The following NKAIN3 variants were observed in gnomAD, a reference collection of about 807,000 sequenced individuals.
The protein encoded by NKAIN3 is sodium/potassium transporting ATPase interacting 3.
A neutral mutation model predicts 30.2 loss-of-function variants in NKAIN3; 25 were observed. That is an observed-to-expected ratio of 0.83 (90% confidence interval 0.60 to 1.16). NKAIN3 has a LOEUF of 1.16. Among genes scored for constraint, NKAIN3 ranks in the 50% most tolerant of loss-of-function variants. The pLI, the probability that NKAIN3 is intolerant of heterozygous loss-of-function variation, is 0.00. For missense variants in NKAIN3, 225 were observed against 254.1 expected (o/e 0.89, Z 0.78); for synonymous variants, 91 against 89.6 (o/e 1.02, Z -0.09).
intron 1 of NKAIN3, among the ~76,000 whole-genome samples, chr8:62,388,938 T>C (rs1817509111): frequency 6.6e-6 from 1 of 152,172 alleles, no homozygotes; most frequent in Non-Finnish European, 1.5e-5. Context: ...GCCCAGTGCC[T>C]CACAGACCCA....
At chr8:62,652,668 C>A (rs980315482) in intron 3 of NKAIN3, among the ~76,000 whole-genome samples, 26 of 152,126 alleles carry the variant, frequency 1.7e-4, no homozygotes, top group African/African-American at 6.3e-4. Context: ...GTCTGGATCA[C>A]CCTGGCATAT....
At chr8:62,317,439 A>G (rs1814680799) in intron 1 of NKAIN3, among the ~76,000 whole-genome samples, 1 of 152,120 alleles carries the variant, frequency 6.6e-6, no homozygotes, top group East Asian at 1.9e-4. Flanking sequence ...ATCCATCTTG[A>G]ATTAATTTTT....
chr8:62,298,413 C>G (rs1215527388), intron 1 of NKAIN3, among the ~76,000 whole-genome samples: 4 of 152,026 alleles, frequency 2.6e-5, no homozygotes, highest in Non-Finnish European at 2.9e-5. Context: ...TACTTCCCAC[C>G]ATAATTAAGA....
intron 3 of NKAIN3, among the ~76,000 whole-genome samples, chr8:62,602,428 T>C (rs1026861257): frequency 6.6e-6 from 1 of 152,142 alleles, no homozygotes; most frequent in African/African-American, 2.4e-5. Flanking sequence ...ATCTAGTTTA[T>C]TGACTCAACT....
chr8:62,637,972 C>T lies in NKAIN3; in HGVS notation c.273+48178C>T, dbSNP rs369121149. Among the ~76,000 whole-genome samples the T allele has an allele frequency of 8.5e-5, 13 of 152,242 alleles. No homozygotes were observed. In the South Asian group the frequency reaches 2.3e-3, roughly 27 times the overall value. On this transcript the variant is annotated intron_variant, in intron 3 of 6. Transcript: ENST00000623646. ...GTTCTTCATTCATTCCTAAAGGACT[C>T]GCCAGTTGATTCACTATCTCTGGGG...
intron 3 of NKAIN3, among the ~76,000 whole-genome samples, chr8:62,599,165 A>C (rs76497941): frequency 0.018 from 2,703 of 152,202 alleles, 42 homozygotes; most frequent in Middle Eastern, 0.031. Context: ...AGTCTTGATC[A>C]CAGCCTCCAG....
rs1822002398 is a variant in NKAIN3, at chr8:62,913,997, A to G, written c.472-4456A>G. 2.0e-5 allele frequency among the ~76,000 whole-genome samples: 3 copies of G among 152,226 alleles called. 1 individual carries two copies. The South Asian group carries it at 6.2e-4, about 32-fold the overall frequency. Reference sequence around the variant, plus strand: ...ACCCAGCAATCCTGTTACTGGGTATATACCCAAAGGAATATAAATCACTCT... The same window carrying G: ...ACCCAGCAATCCTGTTACTGGGTATGTACCCAAAGGAATATAAATCACTCT... On this transcript the variant is annotated intron_variant, in intron 4 of 6. Coordinates refer to ENST00000623646, the MANE Select transcript of NKAIN3 (RefSeq NM_001304533.3).
Position 62,889,698 on chromosome 8 carries a change from G to A in NKAIN3, c.472-28755G>A, listed in dbSNP as rs114873066. Among the ~76,000 whole-genome samples the A allele has an allele frequency of 6.6e-3, 999 of 152,240 alleles. 12 individuals are homozygous for A. Among genetic ancestry groups the A allele is most frequent in the African/African-American group, 0.023 (952 of 41,556 alleles). On this transcript the variant is annotated intron_variant, in intron 4 of 6. Coordinates refer to ENST00000623646, the MANE Select transcript of NKAIN3 (RefSeq NM_001304533.3). ...ATGTTTCATTTAGAAATGCAGAATA[G>A]ACACAACATAGAATTCCAGAGAAGA... is the stretch of plus-strand genomic sequence containing the variant.
rs150416148 is a variant in NKAIN3 at position 62,557,131 on chromosome 8, C to T, written c.55-22408C>T. On this transcript the variant is annotated intron_variant, in intron 1 of 6. Coordinates refer to ENST00000623646, the MANE Select transcript of NKAIN3 (RefSeq NM_001304533.3). Reference sequence around the variant, plus strand: ...ATGCCTCTACATACTCATAGCTTAGCTCCCACTTATGAGTGAGAACATATG... The same window carrying T: ...ATGCCTCTACATACTCATAGCTTAGTTCCCACTTATGAGTGAGAACATATG... Among the ~76,000 whole-genome samples the T allele has an allele frequency of 4.1e-4, 63 of 152,180 alleles. No individual in the cohort carries two copies. The East Asian group carries it at 0.011, about 26-fold the overall frequency.
At chr8:62,985,310 G>A (rs1341880868), downstream of NKAIN3, among the ~76,000 whole-genome samples, 1 of 152,194 alleles carries the variant, frequency 6.6e-6, no homozygotes, top group African/African-American at 2.4e-5. Flanking sequence ...TAACTAACAA[G>A]TGTTACTAAG....
chr8:62,734,176 G>T (rs1032608314), intron 3 of NKAIN3, among the ~76,000 whole-genome samples: 2 of 152,094 alleles, frequency 1.3e-5, no homozygotes, highest in African/African-American at 4.8e-5. Flanking sequence ...TCAGCTACTT[G>T]GTAGGCTGAG....
At chr8:62,509,573 T>C (rs1807756719) in intron 1 of NKAIN3, among the ~76,000 whole-genome samples, 1 of 152,090 alleles carries the variant, frequency 6.6e-6, no homozygotes, top group African/African-American at 2.4e-5. Context: ...ACCATGAGCA[T>C]CCAAGTGCCA....
intron 6 of NKAIN3, among the ~76,000 whole-genome samples, chr8:62,959,272 C>T (rs752846692): frequency 6.6e-6 from 1 of 152,162 alleles, no homozygotes; most frequent in Non-Finnish European, 1.5e-5. Flanking sequence ...GGAAACCCAC[C>T]TCTGATGATC....
chr8:62,917,481 A>G (rs1375338022), intron 4 of NKAIN3, among the ~76,000 whole-genome samples: 1 of 152,194 alleles, frequency 6.6e-6, no homozygotes, highest in African/African-American at 2.4e-5. Context: ...TTGTCCAGAC[A>G]GTCCAGAGAT....
At chr8:62,987,009 T>C (rs1824214266), downstream of NKAIN3, among the ~76,000 whole-genome samples, 1 of 152,224 alleles carries the variant, frequency 6.6e-6, no homozygotes, top group Non-Finnish European at 1.5e-5. Flanking sequence ...TCATGTATAA[T>C]GGTTATATCA....
chr8:62,786,671 G>A (rs145158194), intron 4 of NKAIN3, among the ~76,000 whole-genome samples: 1 of 152,246 alleles, frequency 6.6e-6, no homozygotes, highest in African/African-American at 2.4e-5. Context: ...AATGCATTCG[G>A]TTATCCTATT....
At chr8:62,317,804 T>C (rs1260141625) in intron 1 of NKAIN3, among the ~76,000 whole-genome samples, 1 of 152,242 alleles carries the variant, frequency 6.6e-6, no homozygotes, top group African/African-American at 2.4e-5. Context: ...TTTTTTCCAA[T>C]TCTGTGAAGA....
intron 1 of NKAIN3, among the ~76,000 whole-genome samples, chr8:62,502,490 A>G (rs899420550): frequency 2.0e-5 from 3 of 151,872 alleles, no homozygotes; most frequent in Admixed American, 2.0e-4. Context: ...TCCCCTACTT[A>G]ATTTCTATGA....
At chr8:62,425,909 A>G (rs1257255701) in intron 1 of NKAIN3, among the ~76,000 whole-genome samples, 1 of 151,914 alleles carries the variant, frequency 6.6e-6, no homozygotes, top group Non-Finnish European at 1.5e-5. Flanking sequence ...TATCCTTTAC[A>G]GTTAAATAAA....
Sources: gnomAD v4.1 joint callset for allele counts (sites outside exome capture counted in the v4.1 genomes callset) on GRCh38, gnomAD v4.1.1 for gene constraint, MANE v1.5 for transcripts, NCBI Gene and HGNC (gene_info 2026-07-23, HGNC 2026-07-21) for gene names.